KIAA1328: variants seen among roughly 807,000 people sequenced by gnomAD.
KIAA1328 encodes the protein protein hinderin.
In KIAA1328, 52 loss-of-function variants were observed where a neutral mutation model predicts 68.1. The observed-to-expected ratio is 0.76, with a 90% CI of 0.61 to 0.96. The LOEUF is 0.96. Ranked by LOEUF, KIAA1328 falls within the 40% of genes least tolerant of loss-of-function variation. The pLI is 0.00. For missense variants in KIAA1328, 641 were observed against 677.6 expected, an observed-to-expected ratio of 0.95 and a Z score of 0.60; for synonymous variants, 232 against 239.4, an observed-to-expected ratio of 0.97 and a Z score of 0.28.
At chr18:36,880,339 TG>T (rs1406072473) in intron 4 of KIAA1328, among the ~76,000 whole-genome samples, 1 of 152,112 alleles carries the variant, frequency 6.6e-6, no homozygotes, top group Non-Finnish European at 1.5e-5. Flanking sequence ...TTACCTTCCG[TG>T]GGCTGTACCC....
chr18:36,890,395 G>A (rs368548909), intron 5 of KIAA1328, among the ~76,000 whole-genome samples: 49 of 152,170 alleles, frequency 3.2e-4, no homozygotes, highest in East Asian at 3.9e-4. Flanking sequence ...ATATGTCTGC[G>A]CGTCATGGCT....
rs1010806126 is a variant in KIAA1328, at chr18:36,835,151, A to T, written c.95-83A>T. The T allele has an allele frequency of 2.5e-6, 3 of 1,187,260 alleles. No homozygotes were observed. In the African/African-American group the frequency reaches 4.6e-5, roughly 18 times the overall value. 73.5% of individuals were successfully genotyped at this position (1,187,260 alleles called of 1,614,324 possible). On this transcript the variant is annotated intron_variant, in intron 2 of 9. Coordinates refer to ENST00000280020, the MANE Select transcript of KIAA1328 (RefSeq NM_020776.3). ...TCCTCCATCAGGTCCCTTAAAGTAG[A>T]GGATTCCAAGGAAGGAGTTGATGGG...
chr18:37,060,441 G>A (rs1217137822), intron 6 of KIAA1328, among the ~76,000 whole-genome samples: 1 of 152,000 alleles, frequency 6.6e-6, no homozygotes, highest in Admixed American at 6.6e-5. Context: ...AGACCACAAC[G>A]AGATTTCACT....
At chr18:37,184,603 C>A (rs977432574) in intron 9 of KIAA1328, among the ~76,000 whole-genome samples, 1 of 152,182 alleles carries the variant, frequency 6.6e-6, no homozygotes, top group Non-Finnish European at 1.5e-5. Flanking sequence ...GGCCGAAGAT[C>A]TGGATTTATC....
At chr18:37,068,976 A>C (rs1019511938) in intron 7 of KIAA1328, among the ~76,000 whole-genome samples, 4 of 152,044 alleles carry the variant, frequency 2.6e-5, no homozygotes, top group Non-Finnish European at 5.9e-5. Flanking sequence ...AGAAATTTTT[A>C]ATTTTAATGA....
intron 6 of KIAA1328, among the ~76,000 whole-genome samples, chr18:37,011,971 A>T (rs2053994545): frequency 6.6e-6 from 1 of 152,342 alleles, no homozygotes; most frequent in East Asian, 1.9e-4. Context: ...AGAAAAAAAA[A>T]GGCCGCATTT....
chr18:36,874,913 A>G (rs529277005), intron 4 of KIAA1328, among the ~76,000 whole-genome samples: 14 of 152,294 alleles, frequency 9.2e-5, no homozygotes, highest in Middle Eastern at 3.4e-3. Context: ...CAGTTTTCCC[A>G]ACACCATTTA....
In KIAA1328 at chr18:36,959,193, G is replaced by A. The variant is rs368135758; in HGVS notation, c.449-115G>A. 72 of 990,152 alleles carry A rather than the reference G, an allele frequency of 7.3e-5. No homozygotes were observed. The African/African-American group carries it at 8.0e-4, about 11-fold the overall frequency. 61.3% of individuals were successfully genotyped at this position (990,152 alleles called of 1,614,324 possible). A position where few individuals can be genotyped will look rare whatever the true frequency, so the allele number is the denominator to read the frequency against. On this transcript the variant is annotated intron_variant, in intron 5 of 9. Transcript: ENST00000280020. ...TGAAGACTTTATACTTATGACTCTC[G>A]CCAAATATGATTGCATTTCTGGTTC...
At position 37,224,004 on chromosome 18, in the gene KIAA1328, T is replaced by C. The variant is rs2060607495; in HGVS notation, c.*1777T>C. 2 of 985,340 alleles carry C rather than the reference T, an allele frequency of 2.0e-6. No homozygotes were observed. Among genetic ancestry groups the C allele is most frequent in the African/African-American group, 3.5e-5 (2 of 57,252 alleles). 61.0% of individuals were successfully genotyped at this position (985,340 alleles called of 1,614,324 possible). A position where few individuals can be genotyped will look rare whatever the true frequency, so the allele number is the denominator to read the frequency against. On this transcript the variant is annotated 3_prime_UTR_variant, in exon 10 of 10. Coordinates refer to ENST00000280020, the MANE Select transcript of KIAA1328 (RefSeq NM_020776.3). ...TCTGAGAGTAACCAAATCGGTTTCA[T>C]CCCATATCAAAAAGCCTTTGGAGTG...
intron 6 of KIAA1328, among the ~76,000 whole-genome samples, chr18:37,022,932 T>C (rs1371975181): frequency 6.6e-6 from 1 of 152,218 alleles, no homozygotes; most frequent in Non-Finnish European, 1.5e-5. Flanking sequence ...TTGAGTATAT[T>C]GCTATACAAG....
At position 36,829,202 on chromosome 18, in the gene KIAA1328, C is replaced by G. The variant is rs1395069010; in HGVS notation, c.58+6C>G. 4.6e-6 allele frequency: 7 copies of G among 1,521,896 alleles called. No individual in the cohort carries two copies. The highest frequency in any genetic ancestry group is 2.1e-5 in the Admixed American group (1 of 48,538). 94.3% of individuals were successfully genotyped at this position (1,521,896 alleles called of 1,614,324 possible). A position where few individuals can be genotyped will look rare whatever the true frequency, so the allele number is the denominator to read the frequency against. ...GGCGTTCTGGAGCCGGGACTGTATC[C>G]TTTGCCCGCCTGACAGGGGGCGCCG... On this transcript the variant is annotated splice_donor_region_variant and intron_variant, in intron 1 of 9. Coordinates refer to ENST00000280020, the MANE Select transcript of KIAA1328 (RefSeq NM_020776.3).
At chr18:37,013,265 T>A (rs2054037978) in intron 6 of KIAA1328, among the ~76,000 whole-genome samples, 1 of 152,154 alleles carries the variant, frequency 6.6e-6, no homozygotes, top group South Asian at 2.1e-4. Flanking sequence ...GTGCCACAAT[T>A]TACTACTTAT....
intron 7 of KIAA1328, among the ~76,000 whole-genome samples, chr18:37,140,210 GAATACC>G (rs2058737635): frequency 6.6e-6 from 1 of 151,896 alleles, no homozygotes; most frequent in Non-Finnish European, 1.5e-5. Flanking sequence ...TCTATGATGA[GAATACC>G]AATCTGCTCT....
At chr18:36,846,750 C>T (rs1204372559) in intron 4 of KIAA1328, among the ~76,000 whole-genome samples, 1 of 151,448 alleles carries the variant, frequency 6.6e-6, no homozygotes, top group Non-Finnish European at 1.5e-5. Context: ...TTTCCCTCTA[C>T]CTAATGGTTT....
chr18:36,941,449 G>A (rs1430030843), intron 5 of KIAA1328, among the ~76,000 whole-genome samples: 1 of 152,016 alleles, frequency 6.6e-6, no homozygotes, highest in Non-Finnish European at 1.5e-5. Flanking sequence ...ACAAAAACCA[G>A]CCAGGCCTGG....
intron 6 of KIAA1328, among the ~76,000 whole-genome samples, chr18:36,979,003 T>G (rs1007839589): frequency 6.6e-6 from 1 of 151,844 alleles, no homozygotes; most frequent in Non-Finnish European, 1.5e-5. Context: ...CTACAAATAT[T>G]TGAAAAATAG....
downstream of KIAA1328, chr18:37,231,930 T>G (rs2060665553): frequency 2.0e-5 from 3 of 152,316 alleles, no homozygotes; most frequent in South Asian, 6.2e-4. Context: ...TGCTGCCCAT[T>G]GGGATGGGAT....
At chr18:37,185,114 T>C (rs1281005977) in intron 9 of KIAA1328, among the ~76,000 whole-genome samples, 1 of 150,196 alleles carries the variant, frequency 6.7e-6, no homozygotes, top group African/African-American at 2.5e-5. Flanking sequence ...TGCAGTGAGC[T>C]GAGATCGCGC....
chr18:36,953,474 A>G (rs972946940), intron 5 of KIAA1328, among the ~76,000 whole-genome samples: 1 of 150,584 alleles, frequency 6.6e-6, no homozygotes, highest in African/African-American at 2.4e-5. Context: ...AGAAATATAT[A>G]CATATGTAAT....
Sources: gnomAD v4.1 joint callset for allele counts (sites outside exome capture counted in the v4.1 genomes callset) on GRCh38, gnomAD v4.1.1 for gene constraint, MANE v1.5 for transcripts, NCBI Gene and HGNC (gene_info 2026-07-23, HGNC 2026-07-21) for gene names.